CSMD2: variants seen among roughly 807,000 people sequenced by gnomAD.
CSMD2 encodes CUB and Sushi multiple domains 2, also known as CUB and sushi domain-containing protein 2.
Under a neutral mutation model 398.5 loss-of-function variants are expected in CSMD2, and 130 were observed. That is an observed-to-expected ratio of 0.33 (90% CI 0.28 to 0.38). The LOEUF (loss-of-function observed/expected upper bound fraction) is 0.38. Ranked by LOEUF, CSMD2 falls within the 10% of genes least tolerant of loss-of-function variation. The pLI is 1.00. For missense variants in CSMD2, 3,829 were observed against 4,764.9 expected, an observed-to-expected ratio of 0.80 and a Z score of 5.78; for synonymous variants, 1,828 against 1,908.5, an observed-to-expected ratio of 0.96 and a Z score of 1.10.
At chr1:34,160,039 C>T (rs1641188370) in intron 1 of CSMD2, among the ~76,000 whole-genome samples, 1 of 152,178 alleles carries the variant, frequency 6.6e-6, no homozygotes, top group Non-Finnish European at 1.5e-5. Flanking sequence ...CAATCAGGTT[C>T]CCTTAATCCT....
chr1:33,632,393 T>C (rs597802), intron 32 of CSMD2, among the ~76,000 whole-genome samples: 9,692 of 152,186 alleles, frequency 0.064, 422 homozygotes, highest in East Asian at 0.14. Context: ...TTATGTAGCT[T>C]ATAAAATATG....
At chr1:34,019,808 G>T (rs1648636645) in intron 3 of CSMD2, among the ~76,000 whole-genome samples, 3 of 152,082 alleles carry the variant, frequency 2.0e-5, no homozygotes, top group Non-Finnish European at 4.4e-5. Context: ...TGTCCCTCAA[G>T]CCAGTTCAGC....
intron 53 of CSMD2, among the ~76,000 whole-genome samples, chr1:33,564,726 T>C (rs1284473369): frequency 6.6e-6 from 1 of 152,182 alleles, no homozygotes; most frequent in East Asian, 1.9e-4. Context: ...CTGTAACCCT[T>C]AAGAAGTTAT....
rs749256706 is a variant in CSMD2, at chr1:33,577,442, A to G, written c.7430T>C (p.Ile2477Thr). 4 of 1,613,958 alleles carry G rather than the reference A, an allele frequency of 2.5e-6. No individual in the cohort carries two copies. Among genetic ancestry groups the G allele is most frequent in the Non-Finnish European group, 3.4e-6 (4 of 1,179,878 alleles). ...SLPRAPLHGF[I>T]LGQTSTQPGG... ...GGGCTGGGTGCTGGTCTGGCCTAGG[A>G]TGAAGCCATGGAGTGGAGCCCTGGG... Residue 2477 changes from isoleucine to threonine, a missense_variant, in exon 49 of 71, where the codon ATC becomes ACC. Ile to Thr is a moderately conservative substitution (Grantham distance 89). Coordinates refer to ENST00000373381, the MANE Select transcript of CSMD2 (RefSeq NM_001281956.2).
chr1:33,553,191 G>A (rs918121381), intron 55 of CSMD2, among the ~76,000 whole-genome samples: 33 of 152,120 alleles, frequency 2.2e-4, no homozygotes, highest in Admixed American at 2.6e-4. Context: ...AAGGTTTTTG[G>A]TAACCCTGTG....
intron 13 of CSMD2, among the ~76,000 whole-genome samples, chr1:33,751,542 T>C (rs1482745968): frequency 2.0e-5 from 3 of 152,148 alleles, no homozygotes; most frequent in East Asian, 1.9e-4. Flanking sequence ...CAAGGGTACA[T>C]AGACATCCTG....
At chr1:33,850,311 T>C (rs993147008) in intron 5 of CSMD2, among the ~76,000 whole-genome samples, 3 of 152,196 alleles carry the variant, frequency 2.0e-5, no homozygotes, top group African/African-American at 7.2e-5. Context: ...TGCTTCTCTG[T>C]CTTTGCCCTT....
Position 33,622,130 on chromosome 1 carries a change from C to T in CSMD2, c.5827+37G>A, listed in dbSNP as rs1362591428. 4.0e-6 allele frequency: 6 copies of T among 1,518,330 alleles called. No homozygotes were observed. In the South Asian group the frequency reaches 6.7e-5, roughly 17 times the overall value. The allele number at this position is 1,518,330 out of a possible 1,614,324, so 94.1% of individuals were successfully genotyped here. A position where few individuals can be genotyped will look rare whatever the true frequency, so the allele number is the denominator to read the frequency against. The stretch of plus-strand genomic sequence containing the variant: ...GGGCTCAGCAACTTTTAGGTCCCAC[C>T]CTGAACCCTGTACCAGCCAAGACCC... On this transcript the variant is annotated intron_variant, in intron 37 of 70. Transcript: ENST00000373381.
At chr1:33,884,306 C>A (rs1641437423) in intron 5 of CSMD2, among the ~76,000 whole-genome samples, 1 of 151,880 alleles carries the variant, frequency 6.6e-6, no homozygotes, top group South Asian at 2.1e-4. Flanking sequence ...TCCTTACATC[C>A]TTCTACCTCT....
chr1:33,868,703 T>C (rs1023569117), intron 5 of CSMD2, among the ~76,000 whole-genome samples: 1 of 151,800 alleles, frequency 6.6e-6, no homozygotes, highest in East Asian at 1.9e-4. Flanking sequence ...ACCATTGCAC[T>C]CCAGCCTGGG....
intron 1 of CSMD2, among the ~76,000 whole-genome samples, chr1:34,151,026 T>G (rs1370299861): frequency 6.6e-6 from 1 of 152,210 alleles, no homozygotes; most frequent in Non-Finnish European, 1.5e-5. Context: ...AAGCACAGCC[T>G]GCTGCTTTAA....
chr1:33,716,653 T>C, intron 19 of CSMD2, 152 bp from the exon 20 acceptor site: 1 of 622,046 alleles, frequency 1.6e-6, no homozygotes, highest in Non-Finnish European at 2.8e-6. Context: ...CAGGTGAATC[T>C]GAATGAAGGA....
intron 27 of CSMD2, 45 bp downstream of exon 27, chr1:33,657,901 A>G (rs565287071): frequency 7.1e-6 from 11 of 1,553,902 alleles, no homozygotes; most frequent in African/African-American, 1.3e-5. Context: ...GGAGCACACA[A>G]CTGTGAGCCC....
intron 10 of CSMD2, among the ~76,000 whole-genome samples, chr1:33,808,976 A>G (rs1656543591): frequency 1.2e-5 from 1 of 80,616 alleles, no homozygotes; most frequent in African/African-American, 9.4e-5. Flanking sequence ...AAATGGAGTC[A>G]AGAAAAAAAA....
At position 33,947,963 on chromosome 1, in the gene CSMD2, T is replaced by C. The variant is rs529674912; in HGVS notation, c.518-12009A>G. Reference sequence around the variant, plus strand: ...GCATGGAACCAGGGGAACTGGGGTGTACACCTAGTCAGCCTGACTTTGGCA... The same window carrying C: ...GCATGGAACCAGGGGAACTGGGGTGCACACCTAGTCAGCCTGACTTTGGCA... On this transcript the variant is annotated intron_variant, in intron 3 of 70. Coordinates refer to ENST00000373381, the MANE Select transcript of CSMD2 (RefSeq NM_001281956.2). Among the ~76,000 whole-genome samples, 7 of 152,288 alleles carry C rather than the reference T, an allele frequency of 4.6e-5. No homozygotes were observed. The South Asian group carries it at 1.0e-3, about 23-fold the overall frequency.
chr1:33,590,975 ATTTATCTTTTTT>A (rs1639400730), intron 44 of CSMD2, among the ~76,000 whole-genome samples: 1 of 92,444 alleles, frequency 1.1e-5, no homozygotes, highest in East Asian at 3.6e-4. Flanking sequence ...TGAAGCTTTT[ATTTATCTTTTTT>A]TTTTTTTTTT....
At chr1:33,961,216 G>A (rs1040223942) in intron 3 of CSMD2, among the ~76,000 whole-genome samples, 8 of 152,224 alleles carry the variant, frequency 5.3e-5, no homozygotes, top group Non-Finnish European at 2.9e-5. Flanking sequence ...AGTGGGTGTC[G>A]AAGGCTTTGC....
At chr1:34,111,747 T>C (rs1334745387) in intron 1 of CSMD2, among the ~76,000 whole-genome samples, 3 of 152,146 alleles carry the variant, frequency 2.0e-5, no homozygotes, top group Non-Finnish European at 2.9e-5. Context: ...TCTTAAAATA[T>C]AGGCTCTACC....
chr1:33,823,756 T>A (rs952262008), intron 7 of CSMD2, among the ~76,000 whole-genome samples: 3 of 152,204 alleles, frequency 2.0e-5, no homozygotes, highest in Admixed American at 6.5e-5. Context: ...ACACACCCAT[T>A]CTTTCTGAGG....
Sources: allele counts gnomAD v4.1 joint callset (sites outside exome capture counted in the v4.1 genomes callset), GRCh38; gene constraint gnomAD v4.1.1; transcripts MANE v1.5; gene names NCBI Gene and HGNC (gene_info 2026-07-23, HGNC 2026-07-21).